CBFA2T3: variants seen among roughly 807,000 people sequenced by gnomAD.
The protein encoded by CBFA2T3 is transcriptional corepressor CBFA2T3.
CBFA2T3 carries 31 observed loss-of-function variants against 58.6 expected under a neutral mutation model. That is an observed-to-expected ratio of 0.53 (90% CI 0.40 to 0.71). The LOEUF is 0.71. CBFA2T3 is among the 30% of genes least tolerant of loss of function. The probability of loss-of-function intolerance (pLI) is 0.00; values close to 1 mark genes in which losing one functional copy is unlikely to be tolerated. For missense variants in CBFA2T3, 1,076 were observed against 963.1 expected, an observed-to-expected ratio of 1.12 and a Z score of -1.55; for synonymous variants, 531 against 421.9, an observed-to-expected ratio of 1.26 and a Z score of -3.17.
chr16:88,949,439 G>A (rs1206620000), intron 1 of CBFA2T3, among the ~76,000 whole-genome samples: 2 of 151,830 alleles, frequency 1.3e-5, no homozygotes, highest in African/African-American at 4.8e-5. Flanking sequence ...TGTGCCTGTA[G>A]TCCCAGCTAT....
intron 4 of CBFA2T3, 43 bp from the exon 5 acceptor site, chr16:88,892,014 T>A: frequency 6.5e-7 from 1 of 1,539,470 alleles, no homozygotes; most frequent in East Asian, 2.3e-5. Context: ...CCGCTCGGCA[T>A]GTGAGCCAGC....
chr16:88,917,064 T>C (rs1214587776), intron 1 of CBFA2T3, among the ~76,000 whole-genome samples: 1 of 143,248 alleles, frequency 7.0e-6, no homozygotes, highest in African/African-American at 2.6e-5. Context: ...ACACCGTGAC[T>C]CTGTCTCAAA....
chr16:88,930,684 A>T (rs1306434863), intron 1 of CBFA2T3, among the ~76,000 whole-genome samples: 1 of 127,318 alleles, frequency 7.9e-6, no homozygotes, highest in Non-Finnish European at 1.7e-5. Context: ...GGGGTGGAGG[A>T]GCGAGGAGAT....
chr16:88,940,301 G>A, intron 1 of CBFA2T3: 1 of 154,692 alleles, frequency 6.5e-6, no homozygotes, highest in South Asian at 1.9e-4. Flanking sequence ...GCTCTGAGTC[G>A]CCGCCACCAG....
intron 1 of CBFA2T3, among the ~76,000 whole-genome samples, chr16:88,951,970 T>A (rs1972085361): frequency 6.6e-6 from 1 of 152,194 alleles, no homozygotes; most frequent in South Asian, 2.1e-4. Flanking sequence ...GCTGGGTTTC[T>A]GTCACTCGCA....
intron 1 of CBFA2T3, among the ~76,000 whole-genome samples, chr16:88,975,030 A>C (rs1597806182): frequency 7.1e-6 from 1 of 141,154 alleles, no homozygotes; most frequent in Non-Finnish European, 1.6e-5. Flanking sequence ...CCCAAGTGAG[A>C]CCCTGCTCCC....
At chr16:88,960,640 C>G (rs1386223780) in intron 1 of CBFA2T3, among the ~76,000 whole-genome samples, 1 of 152,250 alleles carries the variant, frequency 6.6e-6, no homozygotes, top group Non-Finnish European at 1.5e-5. Context: ...GCAGGGGCAG[C>G]CACTTTGCAG....
intron 1 of CBFA2T3, among the ~76,000 whole-genome samples, chr16:88,932,397 G>C (rs996463792): frequency 4.6e-5 from 7 of 152,116 alleles, no homozygotes; most frequent in Admixed American, 1.3e-4. Context: ...CACTTTGGGA[G>C]GCTGAGGTGG....
At chr16:88,934,082 C>T (rs1309236177) in intron 1 of CBFA2T3, among the ~76,000 whole-genome samples, 1 of 152,250 alleles carries the variant, frequency 6.6e-6, no homozygotes, top group African/African-American at 2.4e-5. Context: ...TCAACGTGGC[C>T]ACGAGACAGT....
Position 88,923,218 on chromosome 16 carries a change from G to A in CBFA2T3, c.152-21562C>T, listed in dbSNP as rs1354054506. On this transcript the variant is annotated intron_variant, in intron 1 of 11. Transcript: ENST00000268679. ...GAAGTCAGCGTCCACTGGTGTGGGC[G>A]AGTCCCCTGGCCTTGCTGGGCCTCA... 2.0e-5 allele frequency among the ~76,000 whole-genome samples: 3 copies of A among 152,214 alleles called. No individual in the cohort carries two copies. In the East Asian group the frequency reaches 5.8e-4, roughly 29 times the overall value.
intron 1 of CBFA2T3, among the ~76,000 whole-genome samples, chr16:88,970,564 G>T (rs1473407858): frequency 6.6e-6 from 1 of 152,230 alleles, no homozygotes; most frequent in South Asian, 2.1e-4. Context: ...AAGTGTTGCC[G>T]GGTGAAAGCC....
chr16:88,902,377 T>C (rs1047514541), intron 1 of CBFA2T3: 2 of 152,230 alleles, frequency 1.3e-5, no homozygotes, highest in Non-Finnish European at 2.9e-5. Context: ...CGGCAGGTGG[T>C]AACGCCAGGA....
intron 1 of CBFA2T3, among the ~76,000 whole-genome samples, chr16:88,946,571 C>T (rs1175463421): frequency 6.6e-6 from 1 of 151,948 alleles, no homozygotes; most frequent in Non-Finnish European, 1.5e-5. Context: ...CAACCTCTGC[C>T]TCCCGGGTTC....
chr16:88,893,097 G>A lies in CBFA2T3; in HGVS notation c.380-612C>T, dbSNP rs1041644898. ...GAAAATGAGAAGTCGCTCATCCCCC[G>A]AAAGGCCAGCTACCATCACCTCTGG... On this transcript the variant is annotated intron_variant, in intron 3 of 11. Coordinates refer to ENST00000268679, the MANE Select transcript of CBFA2T3 (RefSeq NM_005187.6). Among the ~76,000 whole-genome samples, 11 of 152,024 alleles carry A rather than the reference G, an allele frequency of 7.2e-5. 1 individual carries two copies. The highest frequency in any genetic ancestry group is 3.9e-4 in the Admixed American group (6 of 15,274).
intron 8 of CBFA2T3, 174 bp from the exon 9 acceptor site, chr16:88,881,663 T>G: frequency 1.6e-6 from 1 of 628,196 alleles, no homozygotes; most frequent in Non-Finnish European, 2.7e-6. Context: ...GATGGGTCCC[T>G]AGCCTGGGAC....
rs522517 is a variant in CBFA2T3, at chr16:88,892,442, T to C, written c.423A>G (p.Ala141=). 0.011 allele frequency: 17,956 copies of C among 1,613,184 alleles called. 1,522 individuals are homozygous for C. In the African/African-American group the frequency reaches 0.19, roughly 18 times the overall value. ...SSHSPTAING[A]PCTPNGFSNG... ...TGCTGAAGCCGTTGGGTGTGCACGG[T>C]GCACCATTGATGGCTGTTGGTGAGT... The change falls in exon 4 of 12, where the codon GCA becomes GCG. Residue 141 remains alanine (A), a synonymous_variant. Coordinates refer to ENST00000268679, the MANE Select transcript of CBFA2T3 (RefSeq NM_005187.6).
At chr16:88,879,805 G>A (rs1968994205) in intron 10 of CBFA2T3, 3 of 263,898 alleles carry the variant, frequency 1.1e-5, no homozygotes, top group Admixed American at 4.9e-5. Context: ...ACCCCTGCAG[G>A]GCAAGGGCGA....
intron 5 of CBFA2T3, among the ~76,000 whole-genome samples, chr16:88,888,080 G>A (rs936412362): frequency 1.2e-4 from 19 of 152,044 alleles, no homozygotes; most frequent in African/African-American, 3.6e-4. Context: ...GACAGACTCC[G>A]GGGAGCTCCG....
At chr16:88,881,620 G>T in intron 8 of CBFA2T3, 131 bp from the exon 9 acceptor site, 1 of 883,228 alleles carries the variant, frequency 1.1e-6, no homozygotes, top group South Asian at 1.8e-5. Context: ...AGAGTAAGGG[G>T]GTGAGGGAGG....
Sources: allele counts gnomAD v4.1 joint callset (sites outside exome capture counted in the v4.1 genomes callset), GRCh38; gene constraint gnomAD v4.1.1; transcripts MANE v1.5; gene names NCBI Gene and HGNC (gene_info 2026-07-23, HGNC 2026-07-21).